Variants in FHIT observed in about 807,000 individuals in gnomAD.
FHIT encodes bis(5'-adenosyl)-triphosphatase.
FHIT carries 19 observed loss-of-function variants against 17.9 expected under a neutral mutation model. That is an observed-to-expected ratio of 1.06 (90% confidence interval 0.74 to 1.56). The LOEUF is 1.56. Ranked by LOEUF, FHIT falls within the 40% of genes most tolerant of loss-of-function variation. The pLI, the probability that FHIT is intolerant of heterozygous loss-of-function variation, is 0.00. For missense variants in FHIT, 248 were observed against 189.2 expected (o/e 1.31, Z -1.82); for synonymous variants, 81 against 69.7 (o/e 1.16, Z -0.81).
At position 59,775,618 on chromosome 3, in the gene FHIT, C is replaced by T. The variant is rs138379844; in HGVS notation, c.349-23297G>A. On this transcript the variant is annotated intron_variant, in intron 8 of 9. Coordinates refer to ENST00000492590, the MANE Select transcript of FHIT (RefSeq NM_002012.4). ...TGTTACCTGGCTCAAAGATCCTTAGCTCTTTTCTTAGAAACTGGCCCTTAT... is the reference window on the plus strand; with the variant it reads ...TGTTACCTGGCTCAAAGATCCTTAGTTCTTTTCTTAGAAACTGGCCCTTAT... 3.9e-3 allele frequency among the ~76,000 whole-genome samples: 592 copies of T among 152,306 alleles called. 3 individuals are homozygous for T. Among genetic ancestry groups the T allele is most frequent in the African/African-American group, 0.013 (560 of 41,564 alleles).
intron 4 of FHIT, among the ~76,000 whole-genome samples, chr3:60,686,716 A>G (rs2040869821): frequency 6.6e-6 from 1 of 152,112 alleles, no homozygotes; most frequent in African/African-American, 2.4e-5. Flanking sequence ...CCTCTTTTTA[A>G]TGACATTCCT....
intron 5 of FHIT, among the ~76,000 whole-genome samples, chr3:60,143,205 C>T (rs1700111875): frequency 1.3e-5 from 2 of 152,188 alleles, no homozygotes; most frequent in Non-Finnish European, 2.9e-5. Flanking sequence ...CGGTAGATAG[C>T]ATTGCCAAAC....
chr3:60,986,657 T>C (rs1484686520), intron 3 of FHIT, among the ~76,000 whole-genome samples: 1 of 152,186 alleles, frequency 6.6e-6, no homozygotes, highest in Non-Finnish European at 1.5e-5. Flanking sequence ...TCAAACCAAA[T>C]TTGTGTAGCT....
intron 5 of FHIT, among the ~76,000 whole-genome samples, chr3:60,044,906 G>T (rs1480853862): frequency 1.3e-5 from 2 of 152,088 alleles, no homozygotes; most frequent in Non-Finnish European, 2.9e-5. Flanking sequence ...GAAAAGCCCA[G>T]AGCCAACAAC....
intron 5 of FHIT, among the ~76,000 whole-genome samples, chr3:60,505,782 T>G (rs772784125): frequency 6.6e-6 from 1 of 152,328 alleles, no homozygotes; most frequent in African/African-American, 2.4e-5. Context: ...TGCTATCCCA[T>G]TGGCATCCAT....
At chr3:61,250,339 G>A (rs976063334) in intron 1 of FHIT, among the ~76,000 whole-genome samples, 3 of 152,232 alleles carry the variant, frequency 2.0e-5, no homozygotes, top group Admixed American at 6.5e-5. Flanking sequence ...GGTAGTCTGG[G>A]CCCGGCCCAG....
intron 5 of FHIT, among the ~76,000 whole-genome samples, chr3:60,186,000 T>C (rs961192075): frequency 6.6e-6 from 1 of 152,222 alleles, no homozygotes; most frequent in East Asian, 1.9e-4. Context: ...TTAGCTTGTT[T>C]TGTTTTCTTA....
chr3:60,331,134 C>T (rs1194980529), intron 5 of FHIT, among the ~76,000 whole-genome samples: 5 of 152,192 alleles, frequency 3.3e-5, no homozygotes, highest in Admixed American at 3.3e-4. Context: ...ACACTATGCT[C>T]TAGACACTCT....
intron 7 of FHIT, among the ~76,000 whole-genome samples, chr3:59,971,099 A>C (rs1708159106): frequency 6.6e-6 from 1 of 151,986 alleles, no homozygotes; most frequent in Non-Finnish European, 1.5e-5. Flanking sequence ...TTTTCTTTTT[A>C]ACACCGTAAT....
chr3:60,785,822 G>A (rs1034989050), intron 4 of FHIT, among the ~76,000 whole-genome samples: 10 of 151,554 alleles, frequency 6.6e-5, no homozygotes, highest in African/African-American at 2.2e-4. Flanking sequence ...AGAATTAAAT[G>A]AAATCATTCC....
intron 3 of FHIT, among the ~76,000 whole-genome samples, chr3:60,899,995 C>A (rs1474544788): frequency 6.6e-6 from 1 of 152,174 alleles, no homozygotes; most frequent in African/African-American, 2.4e-5. Context: ...CATTGGGCCC[C>A]AGCAGCTACT....
chr3:60,358,407 G>A (rs1232836172), intron 5 of FHIT, among the ~76,000 whole-genome samples: 1 of 151,920 alleles, frequency 6.6e-6, no homozygotes, highest in East Asian at 1.9e-4. Context: ...AATGAAGGAA[G>A]ATGAGGAAGA....
chr3:60,966,751 A>G (rs1459195247), intron 3 of FHIT, among the ~76,000 whole-genome samples: 1 of 152,246 alleles, frequency 6.6e-6, no homozygotes, highest in Non-Finnish European at 1.5e-5. Flanking sequence ...AGCAAGGATG[A>G]TAATTTAAAC....
intron 4 of FHIT, among the ~76,000 whole-genome samples, chr3:60,766,653 A>G (rs935563621): frequency 1.1e-4 from 10 of 92,730 alleles, no homozygotes; most frequent in Non-Finnish European, 1.4e-4. Context: ...GAGCCTTTTC[A>G]AATGGTAGAG....
intron 7 of FHIT, among the ~76,000 whole-genome samples, chr3:59,965,646 G>A (rs9855384): frequency 0.024 from 3,686 of 152,166 alleles, 171 homozygotes; most frequent in African/African-American, 0.085. Flanking sequence ...TGGAGTTTAG[G>A]TTTATTAGAT....
rs13087855 is a variant in FHIT at position 60,098,165 on chromosome 3, G to T, written c.104-84013C>A. ...AGTCTTTGCTATTGTGAATAGTGCC[G>T]CAATAAACATACGTGTGCATGTGTC... On this transcript the variant is annotated intron_variant, in intron 5 of 9. Transcript: ENST00000492590. 3.2e-5 allele frequency among the ~76,000 whole-genome samples: 4 copies of T among 125,216 alleles called. 1 individual carries two copies. Among genetic ancestry groups the T allele is most frequent in the South Asian group, 6.5e-4 (2 of 3,094 alleles). The allele number at this position is 125,216 out of a possible 152,430, so 82.1% of individuals were successfully genotyped here.
intron 8 of FHIT, among the ~76,000 whole-genome samples, chr3:59,794,071 T>A (rs1412724029): frequency 6.6e-6 from 1 of 152,158 alleles, no homozygotes; most frequent in Non-Finnish European, 1.5e-5. Flanking sequence ...TGGGTTTTTT[T>A]AAACCATGAA....
At chr3:59,931,133 A>G (rs937673720) in intron 7 of FHIT, among the ~76,000 whole-genome samples, 1 of 152,248 alleles carries the variant, frequency 6.6e-6, no homozygotes, top group African/African-American at 2.4e-5. Context: ...CACATTCTGA[A>G]TATTCAGTCA....
chr3:60,377,750 G>A (rs1700632963), intron 5 of FHIT, among the ~76,000 whole-genome samples: 1 of 151,654 alleles, frequency 6.6e-6, no homozygotes, highest in Admixed American at 6.6e-5. Context: ...CAAAGTGCTG[G>A]GATTACAGGC....
Sources: gnomAD v4.1 joint callset for allele counts (sites outside exome capture counted in the v4.1 genomes callset) on GRCh38, gnomAD v4.1.1 for gene constraint, MANE v1.5 for transcripts, NCBI Gene and HGNC (gene_info 2026-07-23, HGNC 2026-07-21) for gene names.